SLCO3A1: variants seen among roughly 807,000 people sequenced by gnomAD.
SLCO3A1 encodes the protein PGE1 transporter.
Under a neutral mutation model 63.1 loss-of-function variants are expected in SLCO3A1, and 27 were observed. The observed-to-expected ratio is 0.43, with a 90% CI of 0.32 to 0.59. The LOEUF (loss-of-function observed/expected upper bound fraction) is 0.59, where lower values mean the gene tolerates loss of function less well. Among genes scored for constraint, SLCO3A1 ranks in the 20% least tolerant of loss-of-function variants. The pLI is 0.09. For missense variants in SLCO3A1, 773 were observed against 945.8 expected (o/e 0.82, Z 2.40); for synonymous variants, 473 against 409.9 (o/e 1.15, Z -1.86).
chr15:91,939,663 G>A (rs1377577314), intron 2 of SLCO3A1, among the ~76,000 whole-genome samples: 1 of 152,092 alleles, frequency 6.6e-6, no homozygotes, highest in Non-Finnish European at 1.5e-5. Flanking sequence ...GGGGTGCCAG[G>A]CTTCTTCCCT....
intron 9 of SLCO3A1, among the ~76,000 whole-genome samples, chr15:92,156,834 C>G (rs1457979871): frequency 6.6e-6 from 1 of 152,178 alleles, no homozygotes; most frequent in East Asian, 1.9e-4. Context: ...TAATTTTCAG[C>G]TTCCATTTTG....
chr15:92,064,740 T>G (rs1341532664), intron 2 of SLCO3A1, among the ~76,000 whole-genome samples: 1 of 152,228 alleles, frequency 6.6e-6, no homozygotes, highest in Non-Finnish European at 1.5e-5. Context: ...TGGATAGAAC[T>G]GGAAGACGTT....
At chr15:91,874,437 C>G (rs1413453758) in intron 1 of SLCO3A1, among the ~76,000 whole-genome samples, 1 of 152,182 alleles carries the variant, frequency 6.6e-6, no homozygotes, top group Admixed American at 6.5e-5. Context: ...CAGCCCTGGC[C>G]ACCACTGTTC....
At chr15:91,987,416 G>A (rs2046067837) in intron 2 of SLCO3A1, among the ~76,000 whole-genome samples, 1 of 152,140 alleles carries the variant, frequency 6.6e-6, no homozygotes, top group Non-Finnish European at 1.5e-5. Context: ...TGCTCTCTTG[G>A]AATTTATGTA....
intron 2 of SLCO3A1, among the ~76,000 whole-genome samples, chr15:92,072,516 G>A (rs1361293653): frequency 6.6e-6 from 1 of 152,190 alleles, no homozygotes. Context: ...CTGAGACTAT[G>A]CAACAACTTT....
chr15:92,065,706 C>T (rs749628384), intron 2 of SLCO3A1, among the ~76,000 whole-genome samples: 11 of 152,112 alleles, frequency 7.2e-5, no homozygotes, highest in Non-Finnish European at 1.3e-4. Context: ...CATGTTATTT[C>T]CTTCTTTTTT....
At chr15:91,876,655 T>A (rs1014609498) in intron 1 of SLCO3A1, among the ~76,000 whole-genome samples, 1 of 152,238 alleles carries the variant, frequency 6.6e-6, no homozygotes, top group Non-Finnish European at 1.5e-5. Context: ...CTGGCAAGCA[T>A]GGGCTCTGGA....
chr15:91,999,138 G>A (rs1249939687), intron 2 of SLCO3A1, among the ~76,000 whole-genome samples: 1 of 152,188 alleles, frequency 6.6e-6, no homozygotes, highest in Admixed American at 6.5e-5. Flanking sequence ...GACTACAGTG[G>A]GGGTAGGGTG....
intron 2 of SLCO3A1, among the ~76,000 whole-genome samples, chr15:91,959,723 C>CAAAA (rs34759500): frequency 3.8e-4 from 27 of 71,982 alleles, no homozygotes; most frequent in East Asian, 8.5e-4. Context: ...GACTCCATCT[C>CAAAA]AAAAAAAAAA....
chr15:91,880,160 TCCATCC>T (rs1436519164), intron 1 of SLCO3A1, among the ~76,000 whole-genome samples: 5 of 151,194 alleles, frequency 3.3e-5, no homozygotes, highest in African/African-American at 1.2e-4. Context: ...CATCCATCCA[TCCATCC>T]ATCCATCTAT....
chr15:92,019,562 A>G (rs2046481480), intron 2 of SLCO3A1, among the ~76,000 whole-genome samples: 1 of 152,246 alleles, frequency 6.6e-6, no homozygotes, highest in Non-Finnish European at 1.5e-5. Flanking sequence ...CTTGTACAGC[A>G]GGAAACTTGA....
rs1474518830 is a variant in SLCO3A1 at position 91,854,233 on chromosome 15, G to A, written c.180+145G>A. The A allele has an allele frequency of 9.1e-7, 1 of 1,104,710 alleles. No individual in the cohort carries two copies. The highest frequency in any genetic ancestry group is 1.6e-5 in the African/African-American group (1 of 60,964). 68.4% of individuals were successfully genotyped at this position (1,104,710 alleles called of 1,614,324 possible). A position where few individuals can be genotyped will look rare whatever the true frequency, so the allele number is the denominator to read the frequency against. ...CGTGGAGGTTGGCGAGTGGTGCAGAGGCGGCCGCCGGGGGAGCTGCCGGCC... is the reference window on the plus strand; with the variant it reads ...CGTGGAGGTTGGCGAGTGGTGCAGAAGCGGCCGCCGGGGGAGCTGCCGGCC... On this transcript the variant is annotated intron_variant, in intron 1 of 9. Coordinates refer to ENST00000318445, the MANE Select transcript of SLCO3A1 (RefSeq NM_013272.4). The surrounding 1 kb of genome is among the most constrained non-coding windows in gnomAD (Gnocchi z 6.4).
chr15:92,109,088 C>T (rs917382435), intron 4 of SLCO3A1, among the ~76,000 whole-genome samples: 25 of 152,068 alleles, frequency 1.6e-4, no homozygotes, highest in African/African-American at 5.6e-4. Context: ...TCTTGCAAGC[C>T]TGCATGTATG....
rs1170043650 is a variant in SLCO3A1 at position 91,968,624 on chromosome 15, G to C, written c.646+52166G>C. Reference sequence around the variant, plus strand: ...AGAAGAAGCCAGGGTAGAAACAAGCGACCCCTGCTTCCATGTGAAGCTTCA... The same window carrying C: ...AGAAGAAGCCAGGGTAGAAACAAGCCACCCCTGCTTCCATGTGAAGCTTCA... On this transcript the variant is annotated intron_variant, in intron 2 of 9. Coordinates refer to ENST00000318445, the MANE Select transcript of SLCO3A1 (RefSeq NM_013272.4). This position sits in a 1 kb window ranked among gnomAD's most constrained non-coding sequence, Gnocchi z 4.2. Among the ~76,000 whole-genome samples, 1 of 152,106 alleles carries C rather than the reference G, an allele frequency of 6.6e-6. No homozygotes were observed. The highest frequency in any genetic ancestry group is 1.5e-5 in the Non-Finnish European group (1 of 68,022).
chr15:92,126,008 A>T (rs945184952), intron 5 of SLCO3A1, 53 bp from the exon 6 acceptor site: 1 of 1,523,028 alleles, frequency 6.6e-7, no homozygotes, highest in African/African-American at 1.4e-5. Flanking sequence ...GCCTGTCTGT[A>T]GACTGGCCCC....
intron 7 of SLCO3A1, among the ~76,000 whole-genome samples, chr15:92,136,074 A>C (rs2048053515): frequency 6.6e-6 from 1 of 152,200 alleles, no homozygotes; most frequent in African/African-American, 2.4e-5. Context: ...GTAAGCTATG[A>C]TCATGCCACT....
At chr15:92,139,554 C>A (rs1028974948) in intron 7 of SLCO3A1, among the ~76,000 whole-genome samples, 2 of 151,968 alleles carry the variant, frequency 1.3e-5, no homozygotes, top group African/African-American at 4.8e-5. Context: ...AGGAATGGTA[C>A]CAGTTCCTCC....
chr15:91,937,287 C>T (rs564425585), intron 2 of SLCO3A1, among the ~76,000 whole-genome samples: 22 of 152,274 alleles, frequency 1.4e-4, no homozygotes, highest in African/African-American at 2.9e-4. Context: ...GCAGGTAGCA[C>T]GGGCAAAGCA....
At chr15:92,154,849 A>T (rs1189089509) in intron 9 of SLCO3A1, among the ~76,000 whole-genome samples, 4 of 152,176 alleles carry the variant, frequency 2.6e-5, no homozygotes, top group African/African-American at 7.2e-5. Flanking sequence ...GAAAGGAGAG[A>T]GGACAAAGAT....
Sources: gnomAD v4.1 joint callset for allele counts (sites outside exome capture counted in the v4.1 genomes callset) on GRCh38, gnomAD v4.1.1 for gene constraint, Gnocchi (gnomAD v3.1) non-coding constraint, MANE v1.5 for transcripts, NCBI Gene and HGNC (gene_info 2026-07-23, HGNC 2026-07-21) for gene names.